Variants in ZNF318 observed in about 807,000 individuals in gnomAD.
ZNF318 encodes the protein endocrine regulator.
ZNF318 carries 51 observed loss-of-function variants against 124.2 expected under a neutral mutation model. That is an observed-to-expected ratio of 0.41 (90% CI 0.33 to 0.52). The LOEUF (loss-of-function observed/expected upper bound fraction) is 0.52, where lower values mean the gene tolerates loss of function less well. Among genes scored for constraint, ZNF318 ranks in the 20% least tolerant of loss-of-function variants. The probability of loss-of-function intolerance (pLI) is 0.23; values close to 1 mark genes in which losing one functional copy is unlikely to be tolerated. For synonymous variants in ZNF318, 1,090 were observed against 1,040.7 expected (o/e 1.05, Z -0.91); for missense variants, 2,815 against 2,811.2 (o/e 1.00, Z -0.03).
chr6:43,358,757 T>C (rs563161138), intron 2 of ZNF318, among the ~76,000 whole-genome samples: 40 of 152,010 alleles, frequency 2.6e-4, no homozygotes, highest in Non-Finnish European at 5.1e-4. Flanking sequence ...GGGTTTCACA[T>C]GTTGGCCAGG....
intron 2 of ZNF318, among the ~76,000 whole-genome samples, chr6:43,360,662 T>A (rs543626966): frequency 6.6e-6 from 1 of 152,314 alleles, no homozygotes; most frequent in African/African-American, 2.4e-5. Context: ...TTAATCATAA[T>A]TGCCAAAAAG....
chr6:43,356,998 G>T, intron 3 of ZNF318, 128 bp downstream of exon 3: 1 of 1,124,232 alleles, frequency 8.9e-7, no homozygotes, highest in Non-Finnish European at 1.2e-6. Flanking sequence ...CCTAGAAGGT[G>T]TAGCTCACAA....
Position 43,339,965 on chromosome 6 carries a change from G to T in ZNF318, c.4033C>A (p.Gln1345Lys). The T allele has an allele frequency of 6.2e-7, 1 of 1,614,184 alleles. No homozygotes were observed. The highest frequency in any genetic ancestry group is 2.2e-5 in the East Asian group (1 of 44,884). Reference sequence around the variant, plus strand: ...GGCAGGTTGGGTCGGATCTTAGTCTGTGTGGAAGTTGTCACAACAGGCATC... The same window carrying T: ...GGCAGGTTGGGTCGGATCTTAGTCTTTGTGGAAGTTGTCACAACAGGCATC... Reference protein sequence around the residue: ...PWMPVVTTSTQTKIRPNLPIP... With the variant: ...PWMPVVTTSTKTKIRPNLPIP... The change falls in exon 10 of 10, where the codon CAG becomes AAG. Residue 1345 changes from glutamine to lysine, a missense_variant. Gln to Lys is a moderately conservative substitution (Grantham distance 53). Coordinates refer to ENST00000361428, the MANE Select transcript of ZNF318 (RefSeq NM_014345.3). This position sits in a 1 kb window ranked among gnomAD's most constrained non-coding sequence, Gnocchi z 4.2.
At position 43,357,393 on chromosome 6, in the gene ZNF318, A is replaced by G; in HGVS notation, c.921T>C (p.Ser307=). Residue 307 remains serine (S), a synonymous_variant, in exon 3 of 10, where the codon AGT becomes AGC. Coordinates refer to ENST00000361428, the MANE Select transcript of ZNF318 (RefSeq NM_014345.3). The part of the protein sequence containing the change: ...RNYRQRRRSP[S]PRFLDPEFRE... Reference sequence around the variant, plus strand: ...GAAACTCAGGGTCGAGAAACCTAGGACTTGGGCTTCTTCTACGCTGTCGAT... The same window carrying G: ...GAAACTCAGGGTCGAGAAACCTAGGGCTTGGGCTTCTTCTACGCTGTCGAT... 1 of 1,614,072 alleles carries G rather than the reference A, an allele frequency of 6.2e-7. No homozygotes were observed. Among genetic ancestry groups the G allele is most frequent in the Middle Eastern group, 1.6e-4 (1 of 6,062 alleles).
intron 5 of ZNF318, 83 bp from the exon 6 acceptor site, chr6:43,348,708 G>T: frequency 6.9e-7 from 1 of 1,458,678 alleles, no homozygotes; most frequent in Non-Finnish European, 9.2e-7. Flanking sequence ...ATTTGTCAGG[G>T]CTTTATGGTT....
chr6:43,353,375 A>G (rs1779560617), intron 4 of ZNF318, among the ~76,000 whole-genome samples: 1 of 107,646 alleles, frequency 9.3e-6, no homozygotes, highest in Admixed American at 1.1e-4. Flanking sequence ...TTTCTTCAGA[A>G]CTTTTTTTTT....
At chr6:43,364,408 C>T (rs913612127) in intron 2 of ZNF318, 6 of 232,914 alleles carry the variant, frequency 2.6e-5, no homozygotes, top group African/African-American at 1.2e-4. Flanking sequence ...GTATTACCAA[C>T]GGCAAAACTG....
chr6:43,352,315 A>C, intron 5 of ZNF318, 62 bp downstream of exon 5: 19 of 1,093,080 alleles, frequency 1.7e-5, no homozygotes, highest in African/African-American at 4.0e-5. Flanking sequence ...GTGTGAGAGT[A>C]CCAAATTTGG....
Position 43,342,164 on chromosome 6 carries a change from C to T in ZNF318, c.3324G>A (p.Glu1108=). 3 of 1,614,016 alleles carry T rather than the reference C, an allele frequency of 1.9e-6. No individual in the cohort carries two copies. Among genetic ancestry groups the T allele is most frequent in the Non-Finnish European group, 2.5e-6 (3 of 1,179,924 alleles). Residue 1108 remains glutamate (E), a synonymous_variant, in exon 8 of 10, where the codon GAG becomes GAA. Coordinates refer to ENST00000361428, the MANE Select transcript of ZNF318 (RefSeq NM_014345.3). Reference sequence around the variant, plus strand: ...TGCGCTTTATGGCATCTTGCTTGGCCTCACTCTGGGTCTTTGAAGCCCAAG... The same window carrying T: ...TGCGCTTTATGGCATCTTGCTTGGCTTCACTCTGGGTCTTTGAAGCCCAAG... ...NRPWASKTQS[E]AKQDAIKRTD... is the part of the protein sequence containing the mutation.
At position 43,346,514 on chromosome 6, in the gene ZNF318, C is replaced by T. The variant is rs556827413; in HGVS notation, c.3072+1810G>A. 8.6e-4 allele frequency among the ~76,000 whole-genome samples: 94 copies of T among 109,256 alleles called. 2 individuals carry two copies. The South Asian group carries it at 0.032, about 37-fold the overall frequency. The allele number at this position is 109,256 out of a possible 152,430, so 71.7% of individuals were successfully genotyped here. A position where few individuals can be genotyped will look rare whatever the true frequency, so the allele number is the denominator to read the frequency against. On this transcript the variant is annotated intron_variant, in intron 6 of 9. Coordinates refer to ENST00000361428, the MANE Select transcript of ZNF318 (RefSeq NM_014345.3). ...CAGCCTGGGCAATATAGCAAGACCC[C>T]ATCTTTAACCAAAAAAAAAAAAAAA...
At chr6:43,349,774 T>TTG (rs770671805) in intron 5 of ZNF318, among the ~76,000 whole-genome samples, 5 of 152,026 alleles carry the variant, frequency 3.3e-5, no homozygotes, top group South Asian at 2.1e-4. Flanking sequence ...GGGAACATTT[T>TTG]TGTGTGTGTG....
chr6:43,361,066 G>A (rs1473564300), intron 2 of ZNF318, among the ~76,000 whole-genome samples: 1 of 152,156 alleles, frequency 6.6e-6, no homozygotes, highest in Non-Finnish European at 1.5e-5. Flanking sequence ...TCAAATGGGT[G>A]AATTATATAG....
intron 4 of ZNF318, among the ~76,000 whole-genome samples, chr6:43,354,224 C>G (rs902833573): frequency 6.6e-6 from 1 of 152,204 alleles, no homozygotes; most frequent in African/African-American, 2.4e-5. Flanking sequence ...CTTCAATTAT[C>G]AAGCAACAAC....
chr6:43,341,873 T>A (rs1385265239), intron 8 of ZNF318, among the ~76,000 whole-genome samples: 1 of 152,206 alleles, frequency 6.6e-6, no homozygotes, highest in East Asian at 1.9e-4. Flanking sequence ...TTAAGTGACA[T>A]GTCTATGTTT....
chr6:43,341,023 A>T (rs1223677081), intron 8 of ZNF318, 115 bp from the exon 9 acceptor site: 2 of 736,704 alleles, frequency 2.7e-6, no homozygotes, highest in Non-Finnish European at 2.3e-6. Context: ...AGAGGGCCTT[A>T]CCCACTTTGA....
chr6:43,343,972 G>A (rs1779407153), intron 6 of ZNF318, among the ~76,000 whole-genome samples: 1 of 152,024 alleles, frequency 6.6e-6, no homozygotes. Context: ...AAGGCACTCA[G>A]GAAATGAGAA....
At position 43,355,368 on chromosome 6, in the gene ZNF318, G is replaced by A. The variant is rs758461915; in HGVS notation, c.1966C>T (p.Arg656Cys). The A allele has an allele frequency of 2.1e-5, 34 of 1,614,008 alleles. No individual in the cohort carries two copies. Among genetic ancestry groups the A allele is most frequent in the South Asian group, 1.9e-4 (17 of 91,068 alleles). ...AAGCAGTGGTCAACTGAGGAACAGC[G>A]GTCAGCTGAGAAGCGGTGGTCAACT... ...SSVDHRFSADRCSSVDHCFSA... is the reference protein window; with the variant it reads ...SSVDHRFSADCCSSVDHCFSA... Residue 656 changes from arginine to cysteine, a missense_variant, in exon 4 of 10, where the codon CGC becomes TGC. Arg to Cys is a radical substitution (Grantham distance 180, BLOSUM62 -3). Transcript: ENST00000361428.
In ZNF318 at chr6:43,336,944, T is replaced by G; in HGVS notation, c.*214A>C. 3.5e-6 allele frequency: 1 copy of G among 287,186 alleles called. No individual in the cohort carries two copies. Among genetic ancestry groups the G allele is most frequent in the Non-Finnish European group, 6.3e-6 (1 of 158,848 alleles). The allele number at this position is 287,186 out of a possible 1,614,324, so 17.8% of individuals were successfully genotyped here. On this transcript the variant is annotated 3_prime_UTR_variant, in exon 10 of 10. Coordinates refer to ENST00000361428, the MANE Select transcript of ZNF318 (RefSeq NM_014345.3). ...ACATTTTTACAGATATATATATATA[T>G]ATATAAGTTGTTATCGATTTGTCTG...
chr6:43,354,604 T>C (rs900792733), intron 4 of ZNF318, 60 bp downstream of exon 4: 1 of 1,487,556 alleles, frequency 6.7e-7, no homozygotes, highest in Non-Finnish European at 9.0e-7. Flanking sequence ...CTAAAAAACA[T>C]ATACAAATTT....
Sources: allele counts gnomAD v4.1 joint callset (sites outside exome capture counted in the v4.1 genomes callset), GRCh38; gene constraint gnomAD v4.1.1; non-coding constraint Gnocchi (gnomAD v3.1); transcripts MANE v1.5; gene names NCBI Gene and HGNC (gene_info 2026-07-23, HGNC 2026-07-21).